POLR3A: variants seen among roughly 807,000 people sequenced by gnomAD.
The protein encoded by POLR3A is DNA-directed RNA polymerase III subunit RPC1.
Under a neutral mutation model 152.8 loss-of-function variants are expected in POLR3A, and 112 were observed. That is an observed-to-expected ratio of 0.73 (90% CI 0.63 to 0.86). POLR3A has a LOEUF of 0.86. Ranked by LOEUF, POLR3A falls within the 40% of genes least tolerant of loss-of-function variation. The pLI is 0.00. For synonymous variants in POLR3A, 615 were observed against 652.1 expected (o/e 0.94, Z 0.87); for missense variants, 1,385 against 1,743.1 (o/e 0.79, Z 3.66).
Position 78,026,075 on chromosome 10 carries a change from A to C in POLR3A, c.180+19T>G. 6.2e-7 allele frequency: 1 copy of C among 1,613,702 alleles called. No individual in the cohort carries two copies. The highest frequency in any genetic ancestry group is 8.5e-7 in the Non-Finnish European group (1 of 1,179,710). ...AGCAGGGCAAGACACAGTTACCAGG[A>C]GGGGTGAGGGGGCCTTACCATCCTA... On this transcript the variant is annotated intron_variant, in intron 2 of 30. Coordinates refer to ENST00000372371, the MANE Select transcript of POLR3A (RefSeq NM_007055.4).
At chr10:77,995,366 A>G (rs1177629098) in intron 19 of POLR3A, among the ~76,000 whole-genome samples, 1 of 152,258 alleles carries the variant, frequency 6.6e-6, no homozygotes, top group East Asian at 1.9e-4. Flanking sequence ...ACAGACTGGC[A>G]AATTGGATAA....
chr10:78,004,823 A>G lies in POLR3A; in HGVS notation c.2140T>C (p.Tyr714His). The change falls in exon 16 of 31, where the codon TAT becomes CAT. Residue 714 changes from tyrosine to histidine, a missense_variant. Physicochemically the swap from Tyr to His is moderately conservative, Grantham distance 83 (BLOSUM62 2). Transcript: ENST00000372371. ...TPGQGLLKAK[Y>H]ELLNAGYKKC... Reference sequence around the variant, plus strand: ...TTGTAGCCGGCATTCAGCAACTCATACTTGGCCTTCAGCAGTCCTTGGCCA... The same window carrying G: ...TTGTAGCCGGCATTCAGCAACTCATGCTTGGCCTTCAGCAGTCCTTGGCCA... 1.2e-6 allele frequency: 2 copies of G among 1,614,002 alleles called. No individual in the cohort carries two copies.
chr10:77,977,993 A>C (rs1440153832), intron 30 of POLR3A, among the ~76,000 whole-genome samples: 2 of 152,162 alleles, frequency 1.3e-5, no homozygotes, highest in African/African-American at 4.8e-5. Flanking sequence ...TAAGTTTGCC[A>C]CCCAGTGCTT....
At chr10:78,010,133 A>G (rs1315558390) in intron 12 of POLR3A, 142 bp from the exon 13 acceptor site, 1 of 1,070,574 alleles carries the variant, frequency 9.3e-7, no homozygotes, top group Non-Finnish European at 1.4e-6. Context: ...TTCTCCTCCA[A>G]CTAGGATCTA....
In POLR3A at chr10:77,977,441, G is replaced by T; in HGVS notation, c.*37C>A. On this transcript the variant is annotated 3_prime_UTR_variant, in exon 31 of 31. Coordinates refer to ENST00000372371, the MANE Select transcript of POLR3A (RefSeq NM_007055.4). ...TATACATCAGCTGGAGACAGGACAA[G>T]GAGTCAAGGTCAGGCATGGTCCCCT... The T allele has an allele frequency of 6.2e-7, 1 of 1,608,142 alleles. No homozygotes were observed. The highest frequency in any genetic ancestry group is 8.5e-7 in the Non-Finnish European group (1 of 1,174,842).
Position 77,986,261 on chromosome 10 carries a change from T to C in POLR3A, c.2902-102A>G, listed in dbSNP as rs16935509. On this transcript the variant is annotated intron_variant, in intron 21 of 30. Transcript: ENST00000372371. ...GTTGTATATGACAAGTCCATCATAT[T>C]TTAGTGTTAGCTCCATATATAGTAT... 3,792 of 779,196 alleles carry C rather than the reference T, an allele frequency of 4.9e-3. 105 individuals are homozygous for C. In the African/African-American group the frequency reaches 0.056, roughly 12 times the overall value. 48.3% of individuals were successfully genotyped at this position (779,196 alleles called of 1,614,324 possible). A position where few individuals can be genotyped will look rare whatever the true frequency, so the allele number is the denominator to read the frequency against.
Position 78,002,284 on chromosome 10 carries a change from C to T in POLR3A, c.2272G>A (p.Val758Met). ...GCACTGCCAGCGTGGTCACGGATCA[C>T]AGACAGCTCCTTCAGGATCAGTGCC... ...LEALILKELS[V>M]IRDHAGSACL... The change falls in exon 17 of 31, where the codon GTG (valine) becomes ATG (methionine). Residue 758 changes from valine to methionine, a missense_variant. This residue lies in a region of POLR3A where 170 missense variants were observed against 231.2 expected (regional missense o/e 0.74). Transcript: ENST00000372371. 6.2e-7 allele frequency: 1 copy of T among 1,603,326 alleles called. No individual in the cohort carries two copies. Among genetic ancestry groups the T allele is most frequent in the Non-Finnish European group, 8.5e-7 (1 of 1,175,452 alleles).
At position 77,986,106 on chromosome 10, in the gene POLR3A, ATCTCTGGTT is replaced by A. The variant is rs1847195673; in HGVS notation, c.2946_2954del (p.Lys982_Asp985delinsAsn). 6.2e-7 allele frequency: 1 copy of A among 1,602,596 alleles called. No individual in the cohort carries two copies. The highest frequency in any genetic ancestry group is 8.5e-7 in the Non-Finnish European group (1 of 1,169,724). On this transcript the variant is annotated inframe_deletion, in exon 22 of 31. Transcript: ENST00000372371. ...TGCCGTTATCATTGATGCCATATTT[ATCTCTGGTT>A]TTCTTGATCTTCTCAGAGACCCCCT...
chr10:78,009,144 C>T (rs1158595563), intron 14 of POLR3A, among the ~76,000 whole-genome samples: 1 of 104,020 alleles, frequency 9.6e-6, no homozygotes, highest in Non-Finnish European at 1.7e-5. Flanking sequence ...CAGAGCAAGA[C>T]TTAGTCTCAA....
Position 77,982,028 on chromosome 10 carries a change from G to T in POLR3A, c.3759+126C>A, listed in dbSNP as rs1411906243. On this transcript the variant is annotated intron_variant, in intron 28 of 30. Transcript: ENST00000372371. ...CACTCCAGCCTGGGCAACAGAGCAA[G>T]ACTCCATCTCAAAAAAAAAAAAAAA... 49 of 603,304 alleles carry T rather than the reference G, an allele frequency of 8.1e-5. 1 individual carries two copies. Among genetic ancestry groups the T allele is most frequent in the Admixed American group, 7.2e-4 (19 of 26,242 alleles). The allele number at this position is 603,304 out of a possible 1,614,324, so 37.4% of individuals were successfully genotyped here. A position where few individuals can be genotyped will look rare whatever the true frequency, so the allele number is the denominator to read the frequency against.
At chr10:77,990,284 G>A (rs141202209) in intron 21 of POLR3A, among the ~76,000 whole-genome samples, 2,870 of 151,906 alleles carry the variant, frequency 0.019, 35 homozygotes, top group Non-Finnish European at 0.026. Context: ...GAATAGAAAA[G>A]GCTGATTCAA....
At chr10:77,999,129 C>T (rs1057034954) in intron 19 of POLR3A, among the ~76,000 whole-genome samples, 2 of 151,982 alleles carry the variant, frequency 1.3e-5, no homozygotes, top group African/African-American at 2.4e-5. Context: ...GGAAGGGGAA[C>T]ATCACACACC....
chr10:77,991,414 C>G (rs1847246654), intron 20 of POLR3A, among the ~76,000 whole-genome samples: 1 of 152,164 alleles, frequency 6.6e-6, no homozygotes, highest in Non-Finnish European at 1.5e-5. Flanking sequence ...CACTTCCCAG[C>G]CTTCGCCACC....
intron 19 of POLR3A, among the ~76,000 whole-genome samples, chr10:77,997,689 T>G (rs1226175497): frequency 6.6e-6 from 1 of 152,178 alleles, no homozygotes; most frequent in Non-Finnish European, 1.5e-5. Context: ...TCCATGCTCA[T>G]GGGTAGGAAG....
intron 16 of POLR3A, 38 bp downstream of exon 16, chr10:78,004,678 C>G: frequency 6.4e-7 from 1 of 1,551,150 alleles, no homozygotes; most frequent in Non-Finnish European, 8.8e-7. Flanking sequence ...CCACTGTGCA[C>G]GGCAAGTGGC....
chr10:78,017,680 T>C lies in POLR3A; in HGVS notation c.1326A>G (p.Gln442=). 1 of 1,613,890 alleles carries C rather than the reference T, an allele frequency of 6.2e-7. No individual in the cohort carries two copies. The highest frequency in any genetic ancestry group is 1.1e-5 in the South Asian group (1 of 91,080). The change falls in exon 10 of 31, where the codon CAA becomes CAG. Residue 442 remains glutamine (Q), a synonymous_variant. Coordinates refer to ENST00000372371, the MANE Select transcript of POLR3A (RefSeq NM_007055.4). ...CTACGATGTCACCATACTTGAGCTC[T>C]TGAGCCATCTTTTCTCGATTTCCGT... The part of the protein sequence containing the change: ...LKYGNREKMA[Q]ELKYGDIVER...
chr10:78,005,696 A>G (rs148848288), intron 15 of POLR3A, among the ~76,000 whole-genome samples: 41 of 152,322 alleles, frequency 2.7e-4, no homozygotes, highest in Non-Finnish European at 4.0e-4. Context: ...AACCTAGTGG[A>G]AAGTCTGTAT....
chr10:78,013,848 TTC>T, intron 10 of POLR3A, 58 bp from the exon 11 acceptor site: 1 of 1,609,346 alleles, frequency 6.2e-7, no homozygotes, highest in Non-Finnish European at 8.5e-7. Context: ...ATCCAAAAGC[TTC>T]TCTGTTTTGA....
Position 78,004,761 on chromosome 10 carries a change from G to A in POLR3A, c.2202C>T (p.Gly734=). The A allele has an allele frequency of 6.2e-7, 1 of 1,613,986 alleles. No homozygotes were observed. The highest frequency in any genetic ancestry group is 1.7e-5 in the Admixed American group (1 of 60,016). The part of the protein sequence containing the change: ...CDEYIEALNT[G]KLQQQPGCTA... ...TGCAGCCAGGCTGCTGCTGCAGCTT[G>A]CCCGTGTTCAGGGCTTCGATGTACT... Residue 734 remains glycine (G), a synonymous_variant, in exon 16 of 31, where the codon GGC becomes GGT. Coordinates refer to ENST00000372371, the MANE Select transcript of POLR3A (RefSeq NM_007055.4).
Sources: gnomAD v4.1 joint callset for allele counts (sites outside exome capture counted in the v4.1 genomes callset) on GRCh38, gnomAD v4.1.1 for gene constraint, gnomAD v4.1.1 regional missense constraint, MANE v1.5 for transcripts, NCBI Gene and HGNC (gene_info 2026-07-23, HGNC 2026-07-21) for gene names.